Variants in KCNH1 observed in about 807,000 individuals in gnomAD.
KCNH1 encodes the protein potassium voltage-gated channel subfamily H member 1, also known as voltage-gated delayed rectifier potassium channel KCNH1.
A neutral mutation model predicts 69.2 loss-of-function variants in KCNH1; 27 were observed. The ratio of observed to expected loss-of-function variants is 0.39; its 90% CI spans 0.29 to 0.54. KCNH1 has a LOEUF of 0.54. KCNH1 is among the 20% of genes least tolerant of loss of function. The probability of loss-of-function intolerance (pLI) is 0.68; values close to 1 mark genes in which losing one functional copy is unlikely to be tolerated. For missense variants in KCNH1, 798 were observed against 1,261.6 expected, an observed-to-expected ratio of 0.63 and a Z score of 5.57; for synonymous variants, 456 against 487.7, an observed-to-expected ratio of 0.93 and a Z score of 0.86.
intron 6 of KCNH1, among the ~76,000 whole-genome samples, chr1:210,959,140 G>C (rs908191083): frequency 1.3e-5 from 2 of 152,142 alleles, no homozygotes; most frequent in Non-Finnish European, 2.9e-5. Context: ...ATTCCTTTCT[G>C]TTTGTTAGTT....
chr1:210,848,289 G>A lies in KCNH1; in HGVS notation c.1463-44123C>T, dbSNP rs557191325. Among the ~76,000 whole-genome samples the A allele has an allele frequency of 1.4e-4, 22 of 152,236 alleles. No homozygotes were observed. The South Asian group carries it at 3.1e-3, about 22-fold the overall frequency. On this transcript the variant is annotated intron_variant, in intron 7 of 10. Coordinates refer to ENST00000271751, the MANE Select transcript of KCNH1 (RefSeq NM_172362.3). ...AAAATGATTTGACACCAAGAATTGG[G>A]TACGTGAACCATTGAAATCTGCCAA...
chr1:210,993,815 A>G (rs1435657052), intron 6 of KCNH1, among the ~76,000 whole-genome samples: 2 of 152,176 alleles, frequency 1.3e-5, no homozygotes, highest in Non-Finnish European at 2.9e-5. Flanking sequence ...TAACTCTGGG[A>G]TCTCAAGTGA....
At chr1:211,045,041 G>GATATATAGATAT (rs1164564038) in intron 5 of KCNH1, among the ~76,000 whole-genome samples, 2 of 81,736 alleles carry the variant, frequency 2.4e-5, no homozygotes, top group Non-Finnish European at 5.2e-5. Flanking sequence ...AATTGTGGGG[G>GATATATAGATAT]ATATATATAT....
intron 7 of KCNH1, among the ~76,000 whole-genome samples, chr1:210,914,122 G>T (rs1324808859): frequency 7.9e-5 from 12 of 152,136 alleles, no homozygotes; most frequent in Non-Finnish European, 8.8e-5. Flanking sequence ...TTTTGTTGAT[G>T]CCACTTTTGG....
Position 211,090,666 on chromosome 1 carries a change from T to G in KCNH1, c.335A>C (p.Lys112Thr). ...CTGTTCGTTTCGAATTGGAGCAATT[T>G]TCACAAAGAACCACACAGGTGTCCC... is the stretch of plus-strand genomic sequence containing the variant. ...KNRTPVWFFV[K>T]IAPIRNEQDK... The change falls in exon 4 of 11, where the codon AAA becomes ACA. Residue 112 changes from lysine to threonine, a missense_variant. Coordinates refer to ENST00000271751, the MANE Select transcript of KCNH1 (RefSeq NM_172362.3). The G allele has an allele frequency of 1.2e-6, 2 of 1,607,148 alleles. No individual in the cohort carries two copies. Among genetic ancestry groups the G allele is most frequent in the Non-Finnish European group, 1.7e-6 (2 of 1,178,666 alleles).
At chr1:211,086,653 T>C (rs577954505) in intron 4 of KCNH1, among the ~76,000 whole-genome samples, 4 of 152,286 alleles carry the variant, frequency 2.6e-5, no homozygotes, top group South Asian at 4.2e-4. Context: ...GCTTTTCCCC[T>C]GTCTTGACTC....
At chr1:211,038,383 T>A (rs568276313) in intron 5 of KCNH1, among the ~76,000 whole-genome samples, 1 of 152,288 alleles carries the variant, frequency 6.6e-6, no homozygotes, top group Middle Eastern at 3.4e-3. Context: ...TATGTCTTTA[T>A]CAGCAGCATG....
intron 6 of KCNH1, among the ~76,000 whole-genome samples, chr1:211,016,683 C>A (rs909350150): frequency 6.6e-6 from 1 of 151,788 alleles, no homozygotes; most frequent in Non-Finnish European, 1.5e-5. Context: ...CCGAGGCAGG[C>A]AGATCACTTG....
At chr1:210,884,251 T>A (rs1686555834) in intron 7 of KCNH1, among the ~76,000 whole-genome samples, 1 of 152,198 alleles carries the variant, frequency 6.6e-6, no homozygotes, top group Non-Finnish European at 1.5e-5. Context: ...TTCAATAGCA[T>A]CAAGTCCAAC....
At chr1:210,787,635 G>T (rs1684129400) in intron 9 of KCNH1, among the ~76,000 whole-genome samples, 1 of 152,202 alleles carries the variant, frequency 6.6e-6, no homozygotes, top group Non-Finnish European at 1.5e-5. Context: ...TAGGTCCCCA[G>T]TCCAAGTGCA....
rs1685983323 is a variant in KCNH1 at position 210,861,772 on chromosome 1, G to GT, written c.1463-57607_1463-57606insA. The GT allele has an allele frequency of 3.9e-6, 3 of 772,930 alleles. No individual in the cohort carries two copies. In the African/African-American group the frequency reaches 5.1e-5, roughly 13 times the overall value. The allele number at this position is 772,930 out of a possible 1,614,324, so 47.9% of individuals were successfully genotyped here. A position where few individuals can be genotyped will look rare whatever the true frequency, so the allele number is the denominator to read the frequency against. ...TAGAACTGACAGAAAATGCTGCATT[G>GT]CTGCTACCAATGGACTCCACTCCTC... On this transcript the variant is annotated intron_variant, in intron 7 of 10. Transcript: ENST00000271751.
intron 6 of KCNH1, among the ~76,000 whole-genome samples, chr1:210,975,977 G>A (rs181194734): frequency 1.2e-4 from 19 of 152,334 alleles, no homozygotes; most frequent in Middle Eastern, 3.4e-3. Flanking sequence ...AGACATTTAT[G>A]CAGCCAATAC....
chr1:210,730,988 T>A (rs1682736023), intron 10 of KCNH1, among the ~76,000 whole-genome samples: 1 of 152,176 alleles, frequency 6.6e-6, no homozygotes, highest in Non-Finnish European at 1.5e-5. Context: ...ACTCTCCTTT[T>A]CCTCATTAAA....
intron 6 of KCNH1, among the ~76,000 whole-genome samples, chr1:210,922,321 G>A (rs1182198902): frequency 6.8e-6 from 1 of 146,048 alleles, no homozygotes; most frequent in Non-Finnish European, 1.5e-5. Flanking sequence ...GGCAGAGCTT[G>A]CATGGTGAGC....
intron 10 of KCNH1, among the ~76,000 whole-genome samples, chr1:210,698,621 C>A (rs1056074884): frequency 2.0e-5 from 3 of 152,180 alleles, no homozygotes; most frequent in African/African-American, 4.8e-5. Context: ...GGGGAGGGAG[C>A]CCCACGTCAC....
intron 6 of KCNH1, among the ~76,000 whole-genome samples, chr1:210,984,244 T>C (rs1265917811): frequency 6.6e-6 from 1 of 152,206 alleles, no homozygotes; most frequent in African/African-American, 2.4e-5. Context: ...CTTCCTCTTT[T>C]CCTAATTGAA....
chr1:210,929,081 T>C (rs898706819), intron 6 of KCNH1, among the ~76,000 whole-genome samples: 1 of 152,128 alleles, frequency 6.6e-6, no homozygotes, highest in Non-Finnish European at 1.5e-5. Flanking sequence ...GGATCCACAG[T>C]TGAATTCTAT....
At position 211,028,487 on chromosome 1, in the gene KCNH1, CAA is replaced by C. The variant is rs112477924; in HGVS notation, c.559-9233_559-9232del. On this transcript the variant is annotated intron_variant, in intron 5 of 10. Coordinates refer to ENST00000271751, the MANE Select transcript of KCNH1 (RefSeq NM_172362.3). ...ATCGATGAAATTAAAAACAGGAAAACAAGAGGAAATCAGTGGTCTTTGAAAAG... is the reference window on the plus strand; with the variant it reads ...ATCGATGAAATTAAAAACAGGAAAACGAGGAAATCAGTGGTCTTTGAAAAG... Among the ~76,000 whole-genome samples the C allele has an allele frequency of 5.9e-3, 899 of 151,400 alleles. 13 individuals are homozygous for C. The highest frequency in any genetic ancestry group is 0.021 in the African/African-American group (851 of 41,288).
At chr1:210,819,146 T>TA (rs1037280885) in intron 7 of KCNH1, among the ~76,000 whole-genome samples, 11 of 150,980 alleles carry the variant, frequency 7.3e-5, no homozygotes, top group Admixed American at 2.6e-4. Context: ...ACTAATGATT[T>TA]AAAAAAAAAT....
Sources: gnomAD v4.1 joint callset for allele counts (sites outside exome capture counted in the v4.1 genomes callset) on GRCh38, gnomAD v4.1.1 for gene constraint, MANE v1.5 for transcripts, NCBI Gene and HGNC (gene_info 2026-07-23, HGNC 2026-07-21) for gene names.